SLC5A6: variants seen among roughly 807,000 people sequenced by gnomAD.
SLC5A6 encodes sodium-dependent multivitamin transporter.
In SLC5A6, 31 loss-of-function variants were observed where a neutral mutation model predicts 67.9. The observed-to-expected ratio is 0.46, with a 90% CI of 0.34 to 0.62. The LOEUF (loss-of-function observed/expected upper bound fraction) is 0.62, where lower values mean the gene tolerates loss of function less well. Among genes scored for constraint, SLC5A6 ranks in the 20% least tolerant of loss-of-function variants. The pLI is 0.01. For synonymous variants in SLC5A6, 343 were observed against 331.0 expected (o/e 1.04, Z -0.39); for missense variants, 673 against 812.8 (o/e 0.83, Z 2.09).
chr2:27,205,764 C>A (rs1674015181), intron 6 of SLC5A6, among the ~76,000 whole-genome samples: 1 of 152,154 alleles, frequency 6.6e-6, no homozygotes, highest in Non-Finnish European at 1.5e-5. Context: ...AAACCATCCA[C>A]CCTAAGAACA....
chr2:27,202,697 A>C, intron 12 of SLC5A6, 116 bp downstream of exon 12: 1 of 889,460 alleles, frequency 1.1e-6, no homozygotes. Flanking sequence ...TCAAAGGGGA[A>C]TCTCTTACGC....
In SLC5A6 at chr2:27,204,622, C is replaced by A. The variant is rs144510462; in HGVS notation, c.876-32G>T. 6 of 1,611,640 alleles carry A rather than the reference C, an allele frequency of 3.7e-6. No homozygotes were observed. In the South Asian group the frequency reaches 6.6e-5, roughly 18 times the overall value. On this transcript the variant is annotated intron_variant, in intron 8 of 16. Transcript: ENST00000310574. Reference sequence around the variant, plus strand: ...AAGAGGTCAGTGCCAGGAGGAGAGCCGGCGTTAACAGACACCCTCAGGTGT... The same window carrying A: ...AAGAGGTCAGTGCCAGGAGGAGAGCAGGCGTTAACAGACACCCTCAGGTGT...
Sources: gnomAD v4.1 joint callset for allele counts (sites outside exome capture counted in the v4.1 genomes callset) on GRCh38, gnomAD v4.1.1 for gene constraint, MANE v1.5 for transcripts, NCBI Gene and HGNC (gene_info 2026-07-23, HGNC 2026-07-21) for gene names.